The following PSMB2 variants were observed in gnomAD, a reference collection of about 807,000 sequenced individuals.
The protein encoded by PSMB2 is proteasome subunit beta type-2.
A neutral mutation model predicts 25.7 loss-of-function variants in PSMB2; 13 were observed. The observed-to-expected ratio is 0.51, with a 90% CI of 0.33 to 0.80. The LOEUF is 0.80. PSMB2 is among the 30% of genes least tolerant of loss of function. The pLI, the probability that PSMB2 is intolerant of heterozygous loss-of-function variation, is 0.02. For missense variants in PSMB2, 202 were observed against 259.0 expected (o/e 0.78, Z 1.51); for synonymous variants, 87 against 96.2 (o/e 0.90, Z 0.56).
intron 3 of PSMB2, among the ~76,000 whole-genome samples, chr1:35,625,763 A>C (rs1286310804): frequency 1.3e-5 from 2 of 149,048 alleles, no homozygotes; most frequent in African/African-American, 4.9e-5. Context: ...CTCCGTCTCA[A>C]AAAAAAAAAA....
At chr1:35,627,675 T>G (rs1650906188) in intron 3 of PSMB2, among the ~76,000 whole-genome samples, 1 of 152,178 alleles carries the variant, frequency 6.6e-6, no homozygotes, top group African/African-American at 2.4e-5. Context: ...CTTTGCATTA[T>G]TACCTTATTT....
At chr1:35,603,603 A>G (rs6668196) in intron 5 of PSMB2, among the ~76,000 whole-genome samples, 37,161 of 152,056 alleles carry the variant, frequency 0.24, 8,293 homozygotes, top group East Asian at 0.79. Flanking sequence ...GGGAGGTGCA[A>G]CTAAGAGCCT....
intron 1 of PSMB2, among the ~76,000 whole-genome samples, chr1:35,637,980 T>C (rs1044131140): frequency 6.6e-6 from 1 of 152,178 alleles, no homozygotes; most frequent in African/African-American, 2.4e-5. Flanking sequence ...AAAACTTCTA[T>C]ACTTAACATG....
intron 3 of PSMB2, among the ~76,000 whole-genome samples, chr1:35,630,076 G>A (rs1172108651): frequency 6.6e-6 from 1 of 152,150 alleles, no homozygotes. Flanking sequence ...TTGGGAAATG[G>A]AGGCAGGAGA....
chr1:35,606,355 G>T (rs1329363974), intron 4 of PSMB2, among the ~76,000 whole-genome samples: 1 of 152,074 alleles, frequency 6.6e-6, no homozygotes, highest in East Asian at 1.9e-4. Flanking sequence ...CCATAAAGTT[G>T]CAGGATACAA....
chr1:35,611,675 T>C (rs765808354), intron 3 of PSMB2, among the ~76,000 whole-genome samples: 6 of 151,862 alleles, frequency 4.0e-5, no homozygotes, highest in Non-Finnish European at 7.4e-5. Context: ...AATACAAAAA[T>C]TAGCCATGCG....
chr1:35,613,439 AG>A, intron 3 of PSMB2, among the ~76,000 whole-genome samples: 1 of 152,304 alleles, frequency 6.6e-6, no homozygotes. Flanking sequence ...AGGATCCTTA[AG>A]CCCCGGCATA....
chr1:35,627,138 G>A (rs969293960), intron 3 of PSMB2, among the ~76,000 whole-genome samples: 18 of 150,902 alleles, frequency 1.2e-4, no homozygotes, highest in African/African-American at 1.7e-4. Context: ...TGGTGGCTTG[G>A]CGCCTGTAGT....
rs771528679 is a variant in PSMB2 at position 35,600,812 on chromosome 1, T to A, written c.*2455A>T. ...ACATTCAAAGGCAGAGAACCGTATG[T>A]CATCCCTGGTGAGGCCTGAATGCAG... On this transcript the variant is annotated 3_prime_UTR_variant, in exon 6 of 6. Coordinates refer to ENST00000373237, the MANE Select transcript of PSMB2 (RefSeq NM_002794.5). 7 of 985,426 alleles carry A rather than the reference T, an allele frequency of 7.1e-6. No individual in the cohort carries two copies. Among genetic ancestry groups the A allele is most frequent in the Non-Finnish European group, 8.4e-6 (7 of 829,932 alleles). 61.0% of individuals were successfully genotyped at this position (985,426 alleles called of 1,614,324 possible).
intron 3 of PSMB2, among the ~76,000 whole-genome samples, chr1:35,622,189 A>G (rs926181145): frequency 2.0e-5 from 3 of 152,012 alleles, no homozygotes; most frequent in Non-Finnish European, 4.4e-5. Flanking sequence ...GGTTGTTGAG[A>G]TCAGCCCCTA....
chr1:35,619,113 T>C (rs1248704037), intron 3 of PSMB2, among the ~76,000 whole-genome samples: 2 of 152,360 alleles, frequency 1.3e-5, no homozygotes, highest in East Asian at 1.9e-4. Context: ...ATATTTGGTA[T>C]ACCTGTTTGA....
At chr1:35,608,471 TAGA>T (rs1381975316) in intron 4 of PSMB2, among the ~76,000 whole-genome samples, 1 of 152,040 alleles carries the variant, frequency 6.6e-6, no homozygotes, top group Non-Finnish European at 1.5e-5. Context: ...TTCAAATAGC[TAGA>T]AGGAGGATAC....
At chr1:35,623,980 T>A (rs1422290981) in intron 3 of PSMB2, among the ~76,000 whole-genome samples, 3 of 152,102 alleles carry the variant, frequency 2.0e-5, no homozygotes, top group Admixed American at 1.3e-4. Context: ...AGAAGAATAA[T>A]TCTCATGGTC....
chr1:35,625,426 G>T (rs2148572555), intron 3 of PSMB2, among the ~76,000 whole-genome samples: 1 of 152,208 alleles, frequency 6.6e-6, no homozygotes, highest in South Asian at 2.1e-4. Context: ...TAATTTTAGG[G>T]CATTCAGATG....
Position 35,600,282 on chromosome 1 carries a change from A to C in PSMB2, c.*2985T>G, listed in dbSNP as rs149295193. ...AGCTAAATGCAATGTTGTATCTTGG[A>C]TTATATCCTAGAACAGAAGAAAATT... On this transcript the variant is annotated 3_prime_UTR_variant, in exon 6 of 6. Coordinates refer to ENST00000373237, the MANE Select transcript of PSMB2 (RefSeq NM_002794.5). The C allele has an allele frequency of 3.4e-5, 33 of 978,488 alleles. 1 individual carries two copies. In the East Asian group the frequency reaches 3.2e-3, roughly 94 times the overall value. The allele number at this position is 978,488 out of a possible 1,614,324, so 60.6% of individuals were successfully genotyped here.
At chr1:35,616,459 C>A (rs1457407634) in intron 3 of PSMB2, among the ~76,000 whole-genome samples, 1 of 152,198 alleles carries the variant, frequency 6.6e-6, no homozygotes, top group Non-Finnish European at 1.5e-5. Context: ...TGGCTATCCA[C>A]AGGTGCAATC....
At chr1:35,623,791 T>C (rs1650768021) in intron 3 of PSMB2, among the ~76,000 whole-genome samples, 1 of 152,232 alleles carries the variant, frequency 6.6e-6, no homozygotes, top group African/African-American at 2.4e-5. Flanking sequence ...TAACCACGTT[T>C]GCCAAAAATC....
At chr1:35,623,557 C>T (rs1650759121) in intron 3 of PSMB2, among the ~76,000 whole-genome samples, 1 of 152,224 alleles carries the variant, frequency 6.6e-6, no homozygotes, top group Admixed American at 6.5e-5. Context: ...CAAAGGCTGC[C>T]TCTTGCTCCA....
At chr1:35,626,508 T>G (rs767573594) in intron 3 of PSMB2, among the ~76,000 whole-genome samples, 3 of 152,238 alleles carry the variant, frequency 2.0e-5, no homozygotes, top group Non-Finnish European at 4.4e-5. Context: ...TATATAATAC[T>G]ATGTGCAATT....
Sources: gnomAD v4.1 joint callset for allele counts (sites outside exome capture counted in the v4.1 genomes callset) on GRCh38, gnomAD v4.1.1 for gene constraint, MANE v1.5 for transcripts, NCBI Gene and HGNC (gene_info 2026-07-23, HGNC 2026-07-21) for gene names.